DLC1: variants seen among roughly 807,000 people sequenced by gnomAD.
DLC1 encodes the protein DLC1 Rho GTPase activating protein, also known as rho GTPase-activating protein 7.
A neutral mutation model predicts 140.3 loss-of-function variants in DLC1; 54 were observed. That is an observed-to-expected ratio of 0.38 (90% CI 0.31 to 0.48). The LOEUF (loss-of-function observed/expected upper bound fraction) is 0.48. Among genes scored for constraint, DLC1 ranks in the 20% least tolerant of loss-of-function variants. The pLI is 0.96. For missense variants in DLC1, 2,536 were observed against 1,907.0 expected, an observed-to-expected ratio of 1.33 and a Z score of -6.14; for synonymous variants, 986 against 728.1, an observed-to-expected ratio of 1.35 and a Z score of -5.70.
In DLC1 at chr8:13,514,797, A is replaced by G; in HGVS notation, c.-321T>C. ...TCTGCAGCTGGAGGGAGCCTTAGCT[A>G]AGGCAGGATCCTGTCAAGGCATTCC... On this transcript the variant is annotated 5_prime_UTR_variant, in exon 1 of 18. Coordinates refer to ENST00000276297, the MANE Select transcript of DLC1 (RefSeq NM_182643.3). 1 of 396,174 alleles carries G rather than the reference A, an allele frequency of 2.5e-6. No individual in the cohort carries two copies. The highest frequency in any genetic ancestry group is 4.4e-6 in the Non-Finnish European group (1 of 224,822). 24.5% of individuals were successfully genotyped at this position (396,174 alleles called of 1,614,324 possible).
chr8:13,567,620 C>T, intron 1 of DLC1: 5 of 1,551,670 alleles, frequency 3.2e-6, no homozygotes, highest in Non-Finnish European at 4.4e-6. Context: ...GCGGAGCTGG[C>T]CCTGTCTGCC....
At chr8:13,471,406 A>G (rs569361440) in intron 2 of DLC1, among the ~76,000 whole-genome samples, 1 of 151,934 alleles carries the variant, frequency 6.6e-6, no homozygotes, top group South Asian at 2.1e-4. Flanking sequence ...ATAGAGCAAA[A>G]CACTGTCATA....
rs1803115267 is a variant in DLC1 at position 13,532,011 on chromosome 8, G to A, written c.-125-31815C>T. On this transcript the variant is annotated intron_variant, in intron 1 of 1. Transcript: ENST00000631382. ...CAAGGAAAGATTTTCTAGTCTCCAG[G>A]CAGAAGCCTAAGTCTAGCTTATGAT... 2.6e-5 allele frequency among the ~76,000 whole-genome samples: 4 copies of A among 152,284 alleles called. No homozygotes were observed. The South Asian group carries it at 8.3e-4, about 32-fold the overall frequency.
At chr8:13,318,836 C>T (rs1832966733) in intron 4 of DLC1, among the ~76,000 whole-genome samples, 1 of 152,216 alleles carries the variant, frequency 6.6e-6, no homozygotes, top group South Asian at 2.1e-4. Flanking sequence ...AATACCTTTG[C>T]TAGCTAAGAG....
In DLC1 at chr8:13,100,737, T is replaced by A. The variant is rs895229680; in HGVS notation, c.1600A>T (p.Ile534Phe). 1.3e-6 allele frequency: 2 copies of A among 1,597,790 alleles called. No homozygotes were observed. Among genetic ancestry groups the A allele is most frequent in the African/African-American group, 2.7e-5 (2 of 74,440 alleles). ...CTTTGGAAAGTCCATTTGCCACTGA[T>A]GGCACAAGGCTCATCCTCGTCTGAA... ...DDSDEDEPCA[I>F]SGKWTFQRDS... Residue 534 changes from isoleucine (I) to phenylalanine (F), a missense_variant, in exon 9 of 18, where the codon ATC becomes TTC. By Grantham distance (21) the Ile-to-Phe change is conservative (BLOSUM62 0). Transcript: ENST00000276297.
chr8:13,577,997 G>C (rs1285951027), intron 1 of DLC1, among the ~76,000 whole-genome samples: 1 of 147,828 alleles, frequency 6.8e-6, no homozygotes, highest in Non-Finnish European at 1.5e-5. Context: ...TGAGGATCAG[G>C]TTCTATAGAA....
intron 5 of DLC1, among the ~76,000 whole-genome samples, chr8:13,242,383 C>A (rs1829577515): frequency 6.7e-6 from 1 of 148,822 alleles, no homozygotes; most frequent in Admixed American, 6.6e-5. Flanking sequence ...AAGAAAATAT[C>A]TCCCCATCAG....
At chr8:13,418,316 T>C (rs1838164453) in intron 2 of DLC1, among the ~76,000 whole-genome samples, 1 of 152,168 alleles carries the variant, frequency 6.6e-6, no homozygotes, top group Non-Finnish European at 1.5e-5. Context: ...TGGTAATGCC[T>C]AGGTTTTCTT....
intron 5 of DLC1, chr8:13,133,349 G>A: frequency 3.6e-6 from 4 of 1,123,562 alleles, no homozygotes; most frequent in Non-Finnish European, 3.3e-6. Flanking sequence ...GAGGGGCGGG[G>A]CCAGAGCGGG....
intron 5 of DLC1, among the ~76,000 whole-genome samples, chr8:13,220,745 C>G (rs1283931990): frequency 1.3e-5 from 2 of 152,116 alleles, no homozygotes; most frequent in African/African-American, 2.4e-5. Context: ...TACATCATTA[C>G]TTTAGGAACT....
rs139851287 is a variant in DLC1 at position 13,088,591 on chromosome 8, C to A, written c.4188G>T (p.Leu1396=). ...LKEQHLWDVD[L]LDSKVIEILD... Reference sequence around the variant, plus strand: ...GAATTTCGATCACTTTTGAATCCAACAGGTCTACATCCCAGAGGTGCTGTT... The same window carrying A: ...GAATTTCGATCACTTTTGAATCCAAAAGGTCTACATCCCAGAGGTGCTGTT... Residue 1396 remains leucine (L), a synonymous_variant, in exon 16 of 18, where the codon CTG becomes CTT. Coordinates refer to ENST00000276297, the MANE Select transcript of DLC1 (RefSeq NM_182643.3). The A allele has an allele frequency of 1.1e-5, 17 of 1,614,164 alleles. No individual in the cohort carries two copies. Among genetic ancestry groups the A allele is most frequent in the Middle Eastern group, 1.6e-4 (1 of 6,062 alleles).
At chr8:13,570,624 C>G (rs1804619622) in intron 1 of DLC1, among the ~76,000 whole-genome samples, 1 of 150,876 alleles carries the variant, frequency 6.6e-6, no homozygotes, top group Non-Finnish European at 1.5e-5. Flanking sequence ...AGGACATGAA[C>G]TCATCATTTT....
chr8:13,260,694 A>C (rs974946710), intron 5 of DLC1, among the ~76,000 whole-genome samples: 2 of 152,190 alleles, frequency 1.3e-5, no homozygotes, highest in African/African-American at 4.8e-5. Flanking sequence ...CTATTATATC[A>C]TTTATATATA....
intron 5 of DLC1, among the ~76,000 whole-genome samples, chr8:13,201,969 C>T (rs925216665): frequency 3.2e-5 from 4 of 125,944 alleles, no homozygotes; most frequent in African/African-American, 1.2e-4. Flanking sequence ...TGTTTTGAGA[C>T]AGAGTCTTGC....
At chr8:13,101,661 C>T (rs79717353) in intron 8 of DLC1, among the ~76,000 whole-genome samples, 4 of 152,114 alleles carry the variant, frequency 2.6e-5, no homozygotes, top group African/African-American at 7.2e-5. Flanking sequence ...TCCCCTCCCC[C>T]ACAAGACATG....
intron 5 of DLC1, among the ~76,000 whole-genome samples, chr8:13,151,594 T>C (rs1233938748): frequency 6.6e-6 from 1 of 152,230 alleles, no homozygotes; most frequent in Non-Finnish European, 1.5e-5. Context: ...TAGCTTTGCA[T>C]ATCAACGGAA....
intron 12 of DLC1, among the ~76,000 whole-genome samples, chr8:13,093,581 T>C (rs901006621): frequency 1.3e-5 from 2 of 152,192 alleles, no homozygotes; most frequent in African/African-American, 2.4e-5. Context: ...CATAACTCTT[T>C]AAAAGAGCAT....
At position 13,133,366 on chromosome 8, in the gene DLC1, C is replaced by G. The variant is rs1323450737; in HGVS notation, c.1349-17709G>C. On this transcript the variant is annotated intron_variant, in intron 5 of 17. Transcript: ENST00000276297. Reference sequence around the variant, plus strand: ...GGGGCGGGGCCAGAGCGGGCGGCACCGCCTCCTCCCCGCTGTCTGGGTCGC... The same window carrying G: ...GGGGCGGGGCCAGAGCGGGCGGCACGGCCTCCTCCCCGCTGTCTGGGTCGC... The G allele has an allele frequency of 2.9e-6, 3 of 1,035,034 alleles. No individual in the cohort carries two copies. In the East Asian group the frequency reaches 2.6e-4, roughly 88 times the overall value. 64.1% of individuals were successfully genotyped at this position (1,035,034 alleles called of 1,614,324 possible).
At chr8:13,302,549 T>C (rs887351879) in intron 5 of DLC1, among the ~76,000 whole-genome samples, 1 of 152,050 alleles carries the variant, frequency 6.6e-6, no homozygotes, top group Non-Finnish European at 1.5e-5. Flanking sequence ...ATCACACAAC[T>C]GTAATTGAAG....
Sources: gnomAD v4.1 joint callset for allele counts (sites outside exome capture counted in the v4.1 genomes callset) on GRCh38, gnomAD v4.1.1 for gene constraint, MANE v1.5 for transcripts, NCBI Gene and HGNC (gene_info 2026-07-23, HGNC 2026-07-21) for gene names.